The following TRDN variants were observed in gnomAD, a reference collection of about 807,000 sequenced individuals.
TRDN encodes the protein triadin in skeletal muscle.
Under a neutral mutation model 149.7 loss-of-function variants are expected in TRDN, and 161 were observed. The ratio of observed to expected loss-of-function variants is 1.08; its 90% CI spans 0.95 to 1.23. TRDN has a LOEUF of 1.23. Ranked by LOEUF, TRDN falls within the 50% of genes most tolerant of loss-of-function variation. TRDN has a pLI of 0.00. For synonymous variants in TRDN, 294 were observed against 250.5 expected, an observed-to-expected ratio of 1.17 and a Z score of -1.64; for missense variants, 896 against 823.5, an observed-to-expected ratio of 1.09 and a Z score of -1.08.
At chr6:123,603,467 G>C (rs1784373488) in intron 1 of TRDN, among the ~76,000 whole-genome samples, 1 of 151,128 alleles carries the variant, frequency 6.6e-6, no homozygotes, top group Non-Finnish European at 1.5e-5. Context: ...TATTTGTTTT[G>C]TTTTTATACC....
chr6:123,369,495 T>A (rs1781242323), intron 19 of TRDN, among the ~76,000 whole-genome samples: 3 of 152,050 alleles, frequency 2.0e-5, no homozygotes, highest in African/African-American at 7.2e-5. Flanking sequence ...GCAGCAGACC[T>A]CACTTCAAAT....
intron 33 of TRDN, among the ~76,000 whole-genome samples, chr6:123,265,093 G>T (rs1776893865): frequency 6.6e-6 from 1 of 151,742 alleles, no homozygotes; most frequent in South Asian, 2.1e-4. Context: ...ATTGGTCTAG[G>T]GCTTCTTGCT....
In TRDN at chr6:123,259,111, T is replaced by A. The variant is rs575399041; in HGVS notation, c.1870+513A>T. On this transcript the variant is annotated intron_variant, in intron 35 of 40. Transcript: ENST00000334268. ...CAGCTCTTGGATTCACTGATTTTTT[T>A]AAGGGTTTTTTTGTGTCTCTCACTC... Among the ~76,000 whole-genome samples, 10 of 152,170 alleles carry A rather than the reference T, an allele frequency of 6.6e-5. No individual in the cohort carries two copies. In the South Asian group the frequency reaches 2.1e-3, roughly 32 times the overall value.
At chr6:123,256,582 G>A (rs1776570482) in intron 35 of TRDN, among the ~76,000 whole-genome samples, 1 of 151,926 alleles carries the variant, frequency 6.6e-6, no homozygotes, top group East Asian at 1.9e-4. Context: ...AGTGACTGGT[G>A]ATGATGAGCT....
chr6:123,437,270 G>T, intron 12 of TRDN: 1 of 249,376 alleles, frequency 4.0e-6, no homozygotes, highest in Non-Finnish European at 7.9e-6. Flanking sequence ...ACTTTAATAG[G>T]TTTCTTTCTG....
At position 123,260,642 on chromosome 6, in the gene TRDN, T is replaced by TAAAA; in HGVS notation, c.1805-5_1805-4insTTTT. On this transcript the variant is annotated splice_polypyrimidine_tract_variant and splice_region_variant and intron_variant, in intron 33 of 40. Coordinates refer to ENST00000334268, the MANE Select transcript of TRDN (RefSeq NM_006073.4). ...TCTGTGACTTCTGATGTTCCTTCTT[T>TAAAA]AGAAAAAAAAAAAAAAAGAATGTAG... 1.1e-6 allele frequency: 1 copy of TAAAA among 916,304 alleles called. No homozygotes were observed. Among genetic ancestry groups the TAAAA allele is most frequent in the South Asian group, 2.9e-5 (1 of 34,304 alleles). 56.8% of individuals were successfully genotyped at this position (916,304 alleles called of 1,614,324 possible).
intron 7 of TRDN, among the ~76,000 whole-genome samples, chr6:123,504,326 G>A (rs1778823803): frequency 6.6e-6 from 1 of 152,024 alleles, no homozygotes; most frequent in Non-Finnish European, 1.5e-5. Flanking sequence ...TGATCATTTT[G>A]CTTGATAACT....
intron 29 of TRDN, 36 bp from the exon 30 acceptor site, chr6:123,271,222 T>C: frequency 7.2e-7 from 1 of 1,389,888 alleles, no homozygotes; most frequent in Non-Finnish European, 9.8e-7. Context: ...AAGTAGGAAA[T>C]TTGAATACAT....
intron 36 of TRDN, 91 bp downstream of exon 36, chr6:123,255,776 G>T: frequency 4.6e-6 from 4 of 870,646 alleles, no homozygotes; most frequent in Non-Finnish European, 6.4e-6. Flanking sequence ...ATTTAGAAAA[G>T]TTTTTTTTCA....
chr6:123,499,719 A>AAAAAAAAAAAATATAT, intron 8 of TRDN, among the ~76,000 whole-genome samples: 3 of 47,682 alleles, frequency 6.3e-5, no homozygotes, highest in African/African-American at 2.1e-4. Context: ...AAAAAAAAAA[A>AAAAAAAAAAAATATAT]ATATATATAT....
intron 2 of TRDN, among the ~76,000 whole-genome samples, chr6:123,555,960 A>G (rs1325383026): frequency 6.6e-6 from 1 of 152,188 alleles, no homozygotes; most frequent in Non-Finnish European, 1.5e-5. Context: ...AGAAATGTGG[A>G]ATAAAAGCTA....
chr6:123,350,088 C>T (rs913210489), intron 21 of TRDN: 17 of 978,940 alleles, frequency 1.7e-5, no homozygotes, highest in Non-Finnish European at 1.9e-5. Flanking sequence ...GATCAACAGG[C>T]TCCAACTTTA....
rs2114499027 is a variant in TRDN, at chr6:123,406,158, T to C, written c.1052-12481A>G. Among the ~76,000 whole-genome samples, 3 of 152,280 alleles carry C rather than the reference T, an allele frequency of 2.0e-5. No homozygotes were observed. In the South Asian group the frequency reaches 6.2e-4, roughly 32 times the overall value. On this transcript the variant is annotated intron_variant, in intron 12 of 40. Coordinates refer to ENST00000334268, the MANE Select transcript of TRDN (RefSeq NM_006073.4). ...AAGCCAAGTAAAAGCCAAAATAGAA[T>C]GATGTAGGACCAAAGAAAACTAAAA...
chr6:123,234,090 C>A (rs1207182420), intron 38 of TRDN, among the ~76,000 whole-genome samples: 6 of 152,016 alleles, frequency 3.9e-5, no homozygotes, highest in African/African-American at 1.4e-4. Flanking sequence ...CCAAGTTATT[C>A]AGCTTTTTAA....
intron 1 of TRDN, among the ~76,000 whole-genome samples, chr6:123,572,062 T>C (rs1782608234): frequency 6.6e-6 from 1 of 152,154 alleles, no homozygotes; most frequent in South Asian, 2.1e-4. Flanking sequence ...GTTAGTATCT[T>C]TTAAAAATTG....
At chr6:123,286,825 G>C (rs1357731525) in intron 24 of TRDN, among the ~76,000 whole-genome samples, 2 of 151,842 alleles carry the variant, frequency 1.3e-5, no homozygotes, top group Non-Finnish European at 2.9e-5. Flanking sequence ...TCCTCAAAGT[G>C]TACTTTCCAG....
intron 33 of TRDN, among the ~76,000 whole-genome samples, chr6:123,262,908 C>T (rs560691625): frequency 9.9e-5 from 15 of 151,954 alleles, no homozygotes; most frequent in Non-Finnish European, 2.1e-4. Flanking sequence ...TCCCTTTCCT[C>T]TAGTCCTATT....
chr6:123,395,330 C>G (rs553005416), intron 12 of TRDN, among the ~76,000 whole-genome samples: 4 of 152,182 alleles, frequency 2.6e-5, no homozygotes, highest in African/African-American at 9.6e-5. Flanking sequence ...TTCCTAGGGC[C>G]TTATCACTTC....
chr6:123,547,718 A>G (rs1781185033), intron 3 of TRDN, among the ~76,000 whole-genome samples: 1 of 152,038 alleles, frequency 6.6e-6, no homozygotes, highest in Non-Finnish European at 1.5e-5. Context: ...AAAATACTCT[A>G]ATAATAAAAG....
Sources: allele counts gnomAD v4.1 joint callset (sites outside exome capture counted in the v4.1 genomes callset), GRCh38; gene constraint gnomAD v4.1.1; transcripts MANE v1.5; gene names NCBI Gene and HGNC (gene_info 2026-07-23, HGNC 2026-07-21).